The following FGF5 variants were observed in gnomAD, a reference collection of about 807,000 sequenced individuals.
FGF5 encodes fibroblast growth factor 5.
Under a neutral mutation model 21.8 loss-of-function variants are expected in FGF5, and 23 were observed. The ratio of observed to expected loss-of-function variants is 1.05; its 90% confidence interval spans 0.76 to 1.49. The LOEUF (loss-of-function observed/expected upper bound fraction) is 1.49, where lower values mean the gene tolerates loss of function less well. Among genes scored for constraint, FGF5 ranks in the 40% most tolerant of loss-of-function variants. The probability of loss-of-function intolerance (pLI) is 0.00; values close to 1 mark genes in which losing one functional copy is unlikely to be tolerated. For missense variants in FGF5, 352 were observed against 332.9 expected, an observed-to-expected ratio of 1.06 and a Z score of -0.45; for synonymous variants, 158 against 124.0, an observed-to-expected ratio of 1.27 and a Z score of -1.82.
At position 80,289,547 on chromosome 4, in the gene FGF5, T is replaced by C. The variant is rs970477475; in HGVS notation, c.*2875T>C. 29 of 152,164 alleles carry C rather than the reference T, an allele frequency of 1.9e-4. No homozygotes were observed. The highest frequency in any genetic ancestry group is 7.0e-4 in the African/African-American group (29 of 41,456). 9.4% of individuals were successfully genotyped at this position (152,164 alleles called of 1,614,324 possible). On this transcript the variant is annotated 3_prime_UTR_variant, in exon 3 of 3. Transcript: ENST00000312465. Reference sequence around the variant, plus strand: ...TTAATATTTAGGAGTCTATTTTGTCTATAGGTGACAAACATCTCCAGACTA... The same window carrying C: ...TTAATATTTAGGAGTCTATTTTGTCCATAGGTGACAAACATCTCCAGACTA...
At chr4:80,274,204 A>G (rs1272948325) in intron 1 of FGF5, among the ~76,000 whole-genome samples, 1 of 152,156 alleles carries the variant, frequency 6.6e-6, no homozygotes, top group African/African-American at 2.4e-5. Flanking sequence ...TAACTATAAA[A>G]TACAAAATTT....
Position 80,286,737 on chromosome 4 carries a change from G to T in FGF5, c.*65G>T. 1 of 1,272,914 alleles carries T rather than the reference G, an allele frequency of 7.9e-7. No homozygotes were observed. Among genetic ancestry groups the T allele is most frequent in the East Asian group, 2.4e-5 (1 of 41,640 alleles). The allele number at this position is 1,272,914 out of a possible 1,614,324, so 78.9% of individuals were successfully genotyped here. A position where few individuals can be genotyped will look rare whatever the true frequency, so the allele number is the denominator to read the frequency against. ...AGGAGTTTCTATAGGTGTCTTCAGAGTTCTGAAGAAAAATTACTGGACACA... is the reference window on the plus strand; with the variant it reads ...AGGAGTTTCTATAGGTGTCTTCAGATTTCTGAAGAAAAATTACTGGACACA... On this transcript the variant is annotated 3_prime_UTR_variant, in exon 3 of 3. Coordinates refer to ENST00000312465, the MANE Select transcript of FGF5 (RefSeq NM_004464.4).
chr4:80,267,726 C>T (rs1246951902), intron 1 of FGF5, among the ~76,000 whole-genome samples: 1 of 113,890 alleles, frequency 8.8e-6, no homozygotes, highest in East Asian at 2.6e-4. Context: ...ACAATGTATA[C>T]ACATAGGTAG....
intron 2 of FGF5, among the ~76,000 whole-genome samples, chr4:80,285,970 G>A (rs1026559213): frequency 5.9e-5 from 9 of 152,018 alleles, no homozygotes; most frequent in African/African-American, 1.9e-4. Flanking sequence ...TGAGTTAGGA[G>A]GAAAAACAGT....
At chr4:80,273,583 C>G (rs918444902) in intron 1 of FGF5, among the ~76,000 whole-genome samples, 3 of 152,132 alleles carry the variant, frequency 2.0e-5, no homozygotes, top group African/African-American at 7.2e-5. Context: ...ATGAATTTCT[C>G]TATTTGGCAG....
intron 1 of FGF5, among the ~76,000 whole-genome samples, chr4:80,271,382 C>T (rs1402172107): frequency 9.2e-6 from 1 of 109,092 alleles, no homozygotes; most frequent in Admixed American, 8.3e-5. Flanking sequence ...GGTGTCAATG[C>T]TGAAATTCCA....
intron 1 of FGF5, among the ~76,000 whole-genome samples, chr4:80,267,733 G>GTAGA (rs3839148): frequency 0.12 from 18,600 of 151,024 alleles, 1,851 homozygotes; most frequent in East Asian, 0.62. Flanking sequence ...ATACACATAG[G>GTAGA]TAGATAGATA....
chr4:80,277,640 T>C (rs1345466533), intron 2 of FGF5, among the ~76,000 whole-genome samples: 1 of 152,124 alleles, frequency 6.6e-6, no homozygotes, highest in Non-Finnish European at 1.5e-5. Flanking sequence ...TTTACGACTT[T>C]ACATCATCCC....
chr4:80,282,255 C>A (rs1720574258), intron 2 of FGF5, among the ~76,000 whole-genome samples: 1 of 152,176 alleles, frequency 6.6e-6, no homozygotes, highest in Admixed American at 6.5e-5. Context: ...AGCCACCGTA[C>A]CCAGCAGAAA....
chr4:80,266,968 G>A lies in FGF5; in HGVS notation c.144G>A (p.Gln48=), dbSNP rs762245848. The part of the protein sequence containing the change: ...DRNPRGSSSR[Q]SSSSAMSSSS... ...ACCCTAGAGGCTCCAGCAGCAGACAGAGCAGCAGTAGCGCTATGTCTTCCT... is the reference window on the plus strand; with the variant it reads ...ACCCTAGAGGCTCCAGCAGCAGACAAAGCAGCAGTAGCGCTATGTCTTCCT... Residue 48 remains glutamine (Q), a synonymous_variant, in exon 1 of 3, where the codon CAG becomes CAA. Transcript: ENST00000312465. The A allele has an allele frequency of 6.8e-6, 11 of 1,614,100 alleles. No homozygotes were observed. In the East Asian group the frequency reaches 2.2e-4, roughly 33 times the overall value.
chr4:80,269,112 AG>A lies in FGF5; in HGVS notation c.355+1935del, dbSNP rs35458999. On this transcript the variant is annotated intron_variant, in intron 1 of 2. Transcript: ENST00000312465. Reference sequence around the variant, plus strand: ...TCATTGGTCTGAGATGGAGCAAGTTAGGAACATCTAGGAGCAACCAGGCTGA... The same window carrying A: ...TCATTGGTCTGAGATGGAGCAAGTTAGAACATCTAGGAGCAACCAGGCTGA... 9.6e-3 allele frequency among the ~76,000 whole-genome samples: 1,465 copies of A among 152,284 alleles called. 24 individuals carry two copies. The highest frequency in any genetic ancestry group is 0.033 in the African/African-American group (1,384 of 41,548).
chr4:80,285,778 C>T (rs1221452078), intron 2 of FGF5, among the ~76,000 whole-genome samples: 3 of 152,126 alleles, frequency 2.0e-5, no homozygotes, highest in Non-Finnish European at 2.9e-5. Flanking sequence ...AGAACTCTAA[C>T]ACGTGCAATA....
rs1346446089 is a variant in FGF5, at chr4:80,276,351, T to C, written c.459+1339T>C. ...TCATTGCAAGAACTATTAAACAATT[T>C]ACCATTTCATTTTTTGAGCTGGTTA... On this transcript the variant is annotated intron_variant, in intron 2 of 2. Coordinates refer to ENST00000312465, the MANE Select transcript of FGF5 (RefSeq NM_004464.4). Among the ~76,000 whole-genome samples, 13 of 152,232 alleles carry C rather than the reference T, an allele frequency of 8.5e-5. No homozygotes were observed. The East Asian group carries it at 9.6e-4, about 11-fold the overall frequency.
chr4:80,270,364 A>G (rs1720232855), intron 1 of FGF5, among the ~76,000 whole-genome samples: 1 of 141,390 alleles, frequency 7.1e-6, no homozygotes, highest in Non-Finnish European at 1.6e-5. Context: ...TTGACAGTAA[A>G]CTTTTTTTTT....
At chr4:80,279,751 A>G (rs1264178311) in intron 2 of FGF5, among the ~76,000 whole-genome samples, 7 of 152,204 alleles carry the variant, frequency 4.6e-5, no homozygotes, top group Non-Finnish European at 8.8e-5. Flanking sequence ...CAGAAAGCTC[A>G]TTGCTAATTA....
At position 80,269,430 on chromosome 4, in the gene FGF5, A is replaced by G. The variant is rs34015519; in HGVS notation, c.355+2251A>G. Among the ~76,000 whole-genome samples the G allele has an allele frequency of 5.3e-3, 800 of 152,276 alleles. 8 individuals are homozygous for G. Among genetic ancestry groups the G allele is most frequent in the Admixed American group, 0.026 (394 of 15,286 alleles). ...GTAGTTTTACAGCTTAGGCCTTGCT[A>G]GAGGGGGTGTTGTAGAAAAGCAAAG... On this transcript the variant is annotated intron_variant, in intron 1 of 2. Coordinates refer to ENST00000312465, the MANE Select transcript of FGF5 (RefSeq NM_004464.4).
chr4:80,284,060 G>T (rs1166805434), intron 2 of FGF5, among the ~76,000 whole-genome samples: 3 of 152,242 alleles, frequency 2.0e-5, no homozygotes, highest in Admixed American at 6.5e-5. Flanking sequence ...CAGCATAGCA[G>T]TCCGGGCCTA....
intron 2 of FGF5, among the ~76,000 whole-genome samples, chr4:80,275,289 T>C (rs1720379673): frequency 6.6e-6 from 1 of 152,008 alleles, no homozygotes; most frequent in Non-Finnish European, 1.5e-5. Context: ...ACTTATTTCT[T>C]AGAAGTGGCC....
rs952898665 is a variant in FGF5 at position 80,289,887 on chromosome 4, A to T, written c.*3215A>T. On this transcript the variant is annotated 3_prime_UTR_variant, in exon 3 of 3. Coordinates refer to ENST00000312465, the MANE Select transcript of FGF5 (RefSeq NM_004464.4). Reference sequence around the variant, plus strand: ...TTACATATATAAAACTAAGGCTTTTATTTCTGTTATTTTTAAGCTTTTATT... The same window carrying T: ...TTACATATATAAAACTAAGGCTTTTTTTTCTGTTATTTTTAAGCTTTTATT... 3.3e-5 allele frequency: 5 copies of T among 152,128 alleles called. No homozygotes were observed. Among genetic ancestry groups the T allele is most frequent in the Non-Finnish European group, 7.4e-5 (5 of 67,996 alleles). The allele number at this position is 152,128 out of a possible 1,614,324, so 9.4% of individuals were successfully genotyped here.
Sources: gnomAD v4.1 joint callset for allele counts (sites outside exome capture counted in the v4.1 genomes callset) on GRCh38, gnomAD v4.1.1 for gene constraint, MANE v1.5 for transcripts, NCBI Gene and HGNC (gene_info 2026-07-23, HGNC 2026-07-21) for gene names.